Variants in AKAP6 observed in about 807,000 individuals in gnomAD.
AKAP6 encodes the protein A-kinase anchor protein 6.
A neutral mutation model predicts 188.5 loss-of-function variants in AKAP6; 58 were observed. The ratio of observed to expected loss-of-function variants is 0.31; its 90% CI spans 0.25 to 0.38. The LOEUF (loss-of-function observed/expected upper bound fraction) is 0.38. Ranked by LOEUF, AKAP6 falls within the 10% of genes least tolerant of loss-of-function variation. AKAP6 has a pLI of 1.00. For synonymous variants in AKAP6, 989 were observed against 998.6 expected (o/e 0.99, Z 0.18); for missense variants, 2,710 against 2,740.0 (o/e 0.99, Z 0.24).
At chr14:32,739,697 C>T (rs766708222) in intron 11 of AKAP6, among the ~76,000 whole-genome samples, 3 of 151,954 alleles carry the variant, frequency 2.0e-5, no homozygotes, top group Non-Finnish European at 2.9e-5. Flanking sequence ...GTAAATGACA[C>T]GATCTCATTC....
At chr14:32,657,467 G>A (rs1447431171) in intron 7 of AKAP6, among the ~76,000 whole-genome samples, 3 of 152,066 alleles carry the variant, frequency 2.0e-5, no homozygotes, top group Non-Finnish European at 4.4e-5. Context: ...TTACCACAAT[G>A]GACCTAATTT....
intron 1 of AKAP6, among the ~76,000 whole-genome samples, chr14:32,422,659 G>T (rs1025341632): frequency 6.6e-6 from 1 of 152,140 alleles, no homozygotes; most frequent in Non-Finnish European, 1.5e-5. Context: ...TGACCACATG[G>T]TTGGTCCTTC....
chr14:32,411,362 G>A (rs1176397532), intron 1 of AKAP6, among the ~76,000 whole-genome samples: 1 of 152,118 alleles, frequency 6.6e-6, no homozygotes, highest in Non-Finnish European at 1.5e-5. Flanking sequence ...CCTGCTGATT[G>A]CACTCTGGGA....
At chr14:32,699,519 A>G (rs1890541886) in intron 9 of AKAP6, among the ~76,000 whole-genome samples, 1 of 152,134 alleles carries the variant, frequency 6.6e-6, no homozygotes. Context: ...TTTTTGAGTT[A>G]ATTTTAAACT....
intron 1 of AKAP6, among the ~76,000 whole-genome samples, chr14:32,371,102 A>G (rs1887989678): frequency 6.6e-6 from 1 of 150,532 alleles, no homozygotes; most frequent in African/African-American, 2.4e-5. Flanking sequence ...AAAGTAACTA[A>G]GTCCTAAAAA....
intron 5 of AKAP6, among the ~76,000 whole-genome samples, chr14:32,581,530 T>C (rs1884965671): frequency 6.6e-6 from 1 of 152,110 alleles, no homozygotes; most frequent in African/African-American, 2.4e-5. Context: ...CAGAGCTGAG[T>C]TCAATTCCTG....
chr14:32,433,954 A>G (rs952304099), intron 2 of AKAP6, 137 bp downstream of exon 2: 11 of 737,966 alleles, frequency 1.5e-5, no homozygotes, highest in Middle Eastern at 3.9e-4. Context: ...CATTATCTTT[A>G]GAGATAAACA....
At chr14:32,414,059 A>G (rs1266834810) in intron 1 of AKAP6, among the ~76,000 whole-genome samples, 1 of 151,888 alleles carries the variant, frequency 6.6e-6, no homozygotes, top group East Asian at 1.9e-4. Context: ...TAAAATGAGA[A>G]ACCAGCACAA....
intron 2 of AKAP6, among the ~76,000 whole-genome samples, chr14:32,534,513 C>T (rs1316853121): frequency 1.3e-5 from 2 of 152,154 alleles, no homozygotes; most frequent in African/African-American, 4.8e-5. Flanking sequence ...TAGTATGTGT[C>T]AAGGAGACTG....
At chr14:32,695,870 C>T in intron 8 of AKAP6, 120 bp from the exon 9 acceptor site, 1 of 1,253,610 alleles carries the variant, frequency 8.0e-7, no homozygotes, top group Non-Finnish European at 1.1e-6. Flanking sequence ...GAAATTTTCT[C>T]TTCTCTTATT....
intron 9 of AKAP6, among the ~76,000 whole-genome samples, chr14:32,704,551 C>T (rs1460730418): frequency 1.3e-5 from 2 of 152,110 alleles, no homozygotes; most frequent in African/African-American, 4.8e-5. Context: ...TTAGTATGTC[C>T]TGTTTTTAAA....
At chr14:32,530,560 T>C (rs1287935895) in intron 2 of AKAP6, among the ~76,000 whole-genome samples, 2 of 152,070 alleles carry the variant, frequency 1.3e-5, no homozygotes, top group Non-Finnish European at 2.9e-5. Context: ...CAGGGAAACC[T>C]TTAAGATGTT....
rs371642473 is a variant in AKAP6 at position 32,694,338 on chromosome 14, A to G, written c.2880-1652A>G. On this transcript the variant is annotated intron_variant, in intron 8 of 13. Transcript: ENST00000280979. ...ATTGTGCCACTGCACTTCAGCCTGG[A>G]TAACAGAGTGAGACTCCGTCTCAAA... Among the ~76,000 whole-genome samples, 10 of 147,516 alleles carry G rather than the reference A, an allele frequency of 6.8e-5. No homozygotes were observed. The East Asian group carries it at 1.4e-3, about 21-fold the overall frequency.
At chr14:32,657,619 A>C (rs1193256908) in intron 7 of AKAP6, among the ~76,000 whole-genome samples, 1 of 152,014 alleles carries the variant, frequency 6.6e-6, no homozygotes, top group Non-Finnish European at 1.5e-5. Context: ...TTTAATTTTG[A>C]TCTATCTGCA....
intron 9 of AKAP6, chr14:32,718,265 A>C: frequency 1.0e-6 from 1 of 985,334 alleles, no homozygotes; most frequent in Non-Finnish European, 1.2e-6. Flanking sequence ...ACAGCAAAAA[A>C]AAGAACAATC....
chr14:32,594,537 GT>G (rs1885612610), intron 5 of AKAP6, among the ~76,000 whole-genome samples: 1 of 152,198 alleles, frequency 6.6e-6, no homozygotes, highest in Admixed American at 6.5e-5. Flanking sequence ...TTGAGGACTG[GT>G]ACCTCTGCCC....
intron 8 of AKAP6, among the ~76,000 whole-genome samples, chr14:32,695,781 G>A (rs1890377604): frequency 6.6e-6 from 1 of 152,196 alleles, no homozygotes; most frequent in Non-Finnish European, 1.5e-5. Context: ...CATTGGAATT[G>A]CATATTACGT....
chr14:32,412,900 A>G (rs528056128), intron 1 of AKAP6, among the ~76,000 whole-genome samples: 1 of 152,308 alleles, frequency 6.6e-6, no homozygotes, highest in South Asian at 2.1e-4. Context: ...GTGGGCTGAG[A>G]GTAGGTATAG....
chr14:32,796,526 T>C (rs936228213), intron 12 of AKAP6, among the ~76,000 whole-genome samples: 14 of 152,172 alleles, frequency 9.2e-5, no homozygotes, highest in Admixed American at 9.2e-4. Context: ...AAAGCAGCAA[T>C]GGGGAAAGGA....
Sources: gnomAD v4.1 joint callset for allele counts (sites outside exome capture counted in the v4.1 genomes callset) on GRCh38, gnomAD v4.1.1 for gene constraint, MANE v1.5 for transcripts, NCBI Gene and HGNC (gene_info 2026-07-23, HGNC 2026-07-21) for gene names.